Variants in COL27A1 observed in about 807,000 individuals in gnomAD.
COL27A1 encodes the protein collagen type XXVII alpha 1 chain, also known as collagen alpha-1(XXVII) chain.
A neutral mutation model predicts 251.3 loss-of-function variants in COL27A1; 106 were observed. The observed-to-expected ratio is 0.42, with a 90% CI of 0.36 to 0.50. The LOEUF (loss-of-function observed/expected upper bound fraction) is 0.50. Ranked by LOEUF, COL27A1 falls within the 20% of genes least tolerant of loss-of-function variation. The pLI is 0.00. For missense variants in COL27A1, 2,325 were observed against 2,522.8 expected (o/e 0.92, Z 1.68); for synonymous variants, 1,000 against 986.3 (o/e 1.01, Z -0.26).
At chr9:114,198,448 G>A (rs900548823) in intron 7 of COL27A1, among the ~76,000 whole-genome samples, 2 of 152,240 alleles carry the variant, frequency 1.3e-5, no homozygotes, top group African/African-American at 2.4e-5. Flanking sequence ...AAGCCCCATC[G>A]TGGTGATTCT....
intron 14 of COL27A1, among the ~76,000 whole-genome samples, chr9:114,223,828 T>C (rs1381684158): frequency 6.6e-6 from 1 of 152,204 alleles, no homozygotes; most frequent in African/African-American, 2.4e-5. Flanking sequence ...AGGATGTAGA[T>C]AAATTAATAT....
Position 114,247,036 on chromosome 9 carries a change from T to G in COL27A1, c.2979+1126T>G, listed in dbSNP as rs79871898. Among the ~76,000 whole-genome samples the G allele has an allele frequency of 5.3e-3, 811 of 152,292 alleles. 29 individuals carry two copies. The East Asian group carries it at 0.097, about 18-fold the overall frequency. The stretch of plus-strand genomic sequence containing the variant: ...CCATATTTTGTGCCTTGGATTTCTT[T>G]GCCAGGCTGGAAAGGCCCAGGGATC... On this transcript the variant is annotated intron_variant, in intron 24 of 60. Transcript: ENST00000356083.
At chr9:114,305,969 T>C (rs902047699) in intron 57 of COL27A1, among the ~76,000 whole-genome samples, 1 of 152,194 alleles carries the variant, frequency 6.6e-6, no homozygotes, top group African/African-American at 2.4e-5. Flanking sequence ...AGGGTAACCC[T>C]GAATGGCCGG....
At chr9:114,209,770 CT>C in intron 11 of COL27A1, 42 bp downstream of exon 11, 1 of 1,592,770 alleles carries the variant, frequency 6.3e-7, no homozygotes, top group Non-Finnish European at 8.6e-7. Context: ...ACAGCCACCC[CT>C]GCCCAAACAG....
intron 12 of COL27A1, among the ~76,000 whole-genome samples, chr9:114,213,056 G>T (rs1830469856): frequency 1.3e-5 from 2 of 152,202 alleles, no homozygotes; most frequent in Non-Finnish European, 2.9e-5. Context: ...GCTTCTCGGA[G>T]AGGTAAATGA....
intron 49 of COL27A1, 33 bp from the exon 50 acceptor site, chr9:114,300,037 C>T (rs1321178710): frequency 1.9e-6 from 3 of 1,612,542 alleles, no homozygotes; most frequent in South Asian, 2.2e-5. Flanking sequence ...ACCATGAGCT[C>T]ACTCGCTCCA....
intron 2 of COL27A1, among the ~76,000 whole-genome samples, chr9:114,166,387 CCATCCATCCACCCACCCACCTATCCATT>C (rs1848870805): frequency 6.6e-6 from 1 of 150,682 alleles, no homozygotes; most frequent in Non-Finnish European, 1.5e-5. Context: ...ATCCATCCAT[CCATCCATCCACCCACCCACCTATCCATT>C]TATCCATTCA....
intron 5 of COL27A1, among the ~76,000 whole-genome samples, chr9:114,191,809 G>A (rs753736179): frequency 3.9e-5 from 6 of 152,284 alleles, no homozygotes; most frequent in African/African-American, 7.2e-5. Flanking sequence ...TATTCCTACC[G>A]TGCCTTAGCT....
intron 7 of COL27A1, among the ~76,000 whole-genome samples, chr9:114,196,387 G>A (rs1036098564): frequency 2.6e-5 from 4 of 152,194 alleles, no homozygotes; most frequent in African/African-American, 7.2e-5. Flanking sequence ...GTGGGCCTGC[G>A]AGTCCTGTCT....
chr9:114,292,194 G>T lies in COL27A1; in HGVS notation c.4568G>T (p.Gly1523Val). Residue 1523 changes from glycine (G) to valine (V), a missense_variant, in exon 49 of 61, where the codon GGG (glycine) becomes GTG (valine). Physicochemically the swap from Gly to Val is moderately radical, Grantham distance 109 (BLOSUM62 -3). Transcript: ENST00000356083. Reference sequence around the variant, plus strand: ...CTCCCTGGAAACCAGGGGGAGCCTGGGTCCAAAGGCCAGCCGGTGAGTGAG... The same window carrying T: ...CTCCCTGGAAACCAGGGGGAGCCTGTGTCCAAAGGCCAGCCGGTGAGTGAG... ...TGLPGNQGEP[G>V]SKGQPGDSGE... is the part of the protein sequence containing the mutation. The T allele has an allele frequency of 6.4e-7, 1 of 1,555,342 alleles. No homozygotes were observed. Among genetic ancestry groups the T allele is most frequent in the Non-Finnish European group, 8.7e-7 (1 of 1,149,324 alleles).
intron 28 of COL27A1, among the ~76,000 whole-genome samples, chr9:114,262,224 A>C (rs1370519537): frequency 1.3e-5 from 2 of 152,180 alleles, no homozygotes; most frequent in Non-Finnish European, 2.9e-5. Context: ...ACGGGTGTTA[A>C]GCCTAATGAC....
intron 28 of COL27A1, among the ~76,000 whole-genome samples, chr9:114,261,047 G>A (rs973192093): frequency 6.6e-6 from 1 of 152,186 alleles, no homozygotes; most frequent in Non-Finnish European, 1.5e-5. Flanking sequence ...TTCCCCCTCC[G>A]TAAAACGGGT....
In COL27A1 at chr9:114,309,811, T is replaced by G. The variant is rs142975938; in HGVS notation, c.5436+333T>G. 2.0e-4 allele frequency among the ~76,000 whole-genome samples: 31 copies of G among 152,310 alleles called. 1 individual carries two copies. In the East Asian group the frequency reaches 5.8e-3, roughly 28 times the overall value. On this transcript the variant is annotated intron_variant, in intron 60 of 60. Coordinates refer to ENST00000356083, the MANE Select transcript of COL27A1 (RefSeq NM_032888.4). ...TCAGGCTAATTTCTTCTCATTATATTTTTTGGTCATTTTCAAATGTCCTGA... is the reference window on the plus strand; with the variant it reads ...TCAGGCTAATTTCTTCTCATTATATGTTTTGGTCATTTTCAAATGTCCTGA...
chr9:114,245,088 TC>T (rs1833020911), intron 23 of COL27A1, among the ~76,000 whole-genome samples: 1 of 151,268 alleles, frequency 6.6e-6, no homozygotes, highest in Non-Finnish European at 1.5e-5. Flanking sequence ...TGCCCTGACG[TC>T]CCATTTCCCT....
At position 114,167,908 on chromosome 9, in the gene COL27A1, G is replaced by A. The variant is rs772045340; in HGVS notation, c.353G>A (p.Arg118His). The A allele has an allele frequency of 4.6e-5, 74 of 1,612,354 alleles. No individual in the cohort carries two copies. Among genetic ancestry groups the A allele is most frequent in the African/African-American group, 8.0e-5 (6 of 74,930 alleles). ...AACCATGCCTTCCTCTTCGCTGTCCGCAGCCAGAAACGCAAGCTGCAGCTG... is the reference window on the plus strand; with the variant it reads ...AACCATGCCTTCCTCTTCGCTGTCCACAGCCAGAAACGCAAGCTGCAGCTG... ...RVNHAFLFAV[R>H]SQKRKLQLGL... The change falls in exon 3 of 61, where the codon CGC becomes CAC. Residue 118 changes from arginine to histidine, a missense_variant. Around this residue, in one of 4 missense-constraint regions of COL27A1, gnomAD observed 1,183 missense variants for 1,144.1 expected, o/e 1.03. Coordinates refer to ENST00000356083, the MANE Select transcript of COL27A1 (RefSeq NM_032888.4).
chr9:114,212,013 C>G (rs943961857), intron 12 of COL27A1, among the ~76,000 whole-genome samples: 1 of 152,198 alleles, frequency 6.6e-6, no homozygotes, highest in African/African-American at 2.4e-5. Context: ...AGGGGCCTCT[C>G]CGTGCTTCTG....
chr9:114,205,255 G>A, intron 8 of COL27A1, 109 bp downstream of exon 8: 1 of 1,054,184 alleles, frequency 9.5e-7, no homozygotes, highest in Non-Finnish European at 1.4e-6. Flanking sequence ...CCCAGAGCCA[G>A]GCTGTTTTGC....
At chr9:114,264,164 C>G (rs528832161) in intron 28 of COL27A1, among the ~76,000 whole-genome samples, 191 bp from the exon 29 acceptor site, 2 of 152,234 alleles carry the variant, frequency 1.3e-5, no homozygotes, top group Non-Finnish European at 2.9e-5. Flanking sequence ...GCTGCGGCCT[C>G]TGCAGAGCTG....
chr9:114,190,330 G>T (rs954071354), intron 5 of COL27A1, among the ~76,000 whole-genome samples: 2 of 152,156 alleles, frequency 1.3e-5, no homozygotes, highest in Non-Finnish European at 2.9e-5. Flanking sequence ...GGAGTGCAGT[G>T]GTGCTATCAT....
Sources: gnomAD v4.1 joint callset for allele counts (sites outside exome capture counted in the v4.1 genomes callset) on GRCh38, gnomAD v4.1.1 for gene constraint, gnomAD v4.1.1 regional missense constraint, MANE v1.5 for transcripts, NCBI Gene and HGNC (gene_info 2026-07-23, HGNC 2026-07-21) for gene names.